Variants in SGIP1 observed in about 807,000 individuals in gnomAD.
The protein encoded by SGIP1 is SH3GL interacting endocytic adaptor 1, also known as SH3-containing GRB2-like protein 3-interacting protein 1.
In SGIP1, 38 loss-of-function variants were observed where a neutral mutation model predicts 107.5. The observed-to-expected ratio is 0.35, with a 90% CI of 0.27 to 0.46. The LOEUF (loss-of-function observed/expected upper bound fraction) is 0.46, where lower values mean the gene tolerates loss of function less well. Ranked by LOEUF, SGIP1 falls within the 20% of genes least tolerant of loss-of-function variation. SGIP1 has a pLI of 1.00. For missense variants in SGIP1, 929 were observed against 1,019.5 expected, an observed-to-expected ratio of 0.91 and a Z score of 1.21; for synonymous variants, 365 against 366.1, an observed-to-expected ratio of 1.00 and a Z score of 0.03.
chr1:66,654,634 G>GA (rs1185550260), intron 7 of SGIP1, among the ~76,000 whole-genome samples: 6 of 151,118 alleles, frequency 4.0e-5, no homozygotes, highest in Non-Finnish European at 8.9e-5. Context: ...TATTGTTTTA[G>GA]AAAAAAAAAT....
intron 7 of SGIP1, among the ~76,000 whole-genome samples, chr1:66,654,699 TG>T (rs1337298840): frequency 1.3e-5 from 2 of 152,192 alleles, no homozygotes; most frequent in Non-Finnish European, 2.9e-5. Flanking sequence ...CCTCAAAGAC[TG>T]GGGAGAATGT....
chr1:66,639,041 G>T (rs1457826214), intron 4 of SGIP1, among the ~76,000 whole-genome samples: 1 of 152,142 alleles, frequency 6.6e-6, no homozygotes, highest in African/African-American at 2.4e-5. Context: ...AGTGCTTGTG[G>T]CCATGTGTCA....
intron 1 of SGIP1, among the ~76,000 whole-genome samples, chr1:66,544,826 C>T (rs1471636125): frequency 6.6e-6 from 1 of 152,136 alleles, no homozygotes; most frequent in East Asian, 1.9e-4. Context: ...TAACAATGGC[C>T]TGAAATGGTC....
intron 13 of SGIP1, among the ~76,000 whole-genome samples, chr1:66,677,464 G>A (rs770766523): frequency 6.6e-6 from 1 of 152,164 alleles, no homozygotes; most frequent in South Asian, 2.1e-4. Context: ...AGTCTAATAC[G>A]GTCTCTGCTC....
chr1:66,626,343 C>T (rs2072766591), intron 2 of SGIP1, among the ~76,000 whole-genome samples: 1 of 152,032 alleles, frequency 6.6e-6, no homozygotes, highest in African/African-American at 2.4e-5. Context: ...GATAACATCT[C>T]CAAGCTCTTA....
At chr1:66,633,136 A>G (rs747644221) in intron 3 of SGIP1, 42 bp downstream of exon 3, 5 of 1,295,302 alleles carry the variant, frequency 3.9e-6, no homozygotes, top group South Asian at 2.5e-5. Flanking sequence ...TTGTGCTTCA[A>G]TATATGCTAT....
chr1:66,674,180 A>C (rs1272899045), intron 12 of SGIP1, among the ~76,000 whole-genome samples: 1 of 152,142 alleles, frequency 6.6e-6, no homozygotes, highest in Non-Finnish European at 1.5e-5. Context: ...ATAAAATAAA[A>C]TAAAATAAAA....
intron 19 of SGIP1, 149 bp from the exon 20 acceptor site, chr1:66,729,115 A>T: frequency 1.1e-6 from 1 of 888,830 alleles, no homozygotes; most frequent in Non-Finnish European, 1.7e-6. Flanking sequence ...AATAGAAGTT[A>T]AAGTATTTTT....
At chr1:66,536,024 A>G (rs1297615291) in intron 1 of SGIP1, among the ~76,000 whole-genome samples, 2 of 152,206 alleles carry the variant, frequency 1.3e-5, no homozygotes, top group African/African-American at 4.8e-5. Flanking sequence ...TCTTCTTTGA[A>G]GGTTGTAACG....
intron 1 of SGIP1, among the ~76,000 whole-genome samples, chr1:66,566,259 C>G (rs544202192): frequency 6.6e-6 from 1 of 152,062 alleles, no homozygotes; most frequent in East Asian, 1.9e-4. Flanking sequence ...TTTTAAAGAT[C>G]GATGTGAATA....
intron 17 of SGIP1, chr1:66,695,055 T>G (rs961259348): frequency 1.1e-5 from 4 of 368,358 alleles, no homozygotes; most frequent in African/African-American, 6.2e-5. Context: ...TAGAAGGGGA[T>G]GACATTGAAG....
Position 66,746,663 on chromosome 1 carries a change from A to T in SGIP1, c.*3568A>T, listed in dbSNP as rs1383119376. On this transcript the variant is annotated 3_prime_UTR_variant, in exon 25 of 25. Transcript: ENST00000371037. ...TTTAATTCCTGTTTTACAAGTGATG[A>T]CACTGAGGCTTAAATAGAATAATCT... The T allele has an allele frequency of 1.3e-5, 2 of 152,144 alleles. No homozygotes were observed. Among genetic ancestry groups the T allele is most frequent in the African/African-American group, 2.4e-5 (1 of 41,458 alleles). 9.4% of individuals were successfully genotyped at this position (152,144 alleles called of 1,614,324 possible).
intron 2 of SGIP1, among the ~76,000 whole-genome samples, chr1:66,632,224 G>C (rs932513829): frequency 5.9e-5 from 9 of 152,180 alleles, no homozygotes; most frequent in Non-Finnish European, 1.3e-4. Flanking sequence ...GAACTATTTG[G>C]ACACCCAGCT....
intron 20 of SGIP1, among the ~76,000 whole-genome samples, chr1:66,732,521 T>G (rs1353284337): frequency 3.3e-5 from 5 of 152,136 alleles, no homozygotes; most frequent in Non-Finnish European, 5.9e-5. Context: ...CTCAATAACT[T>G]TATATCCAGG....
intron 19 of SGIP1, among the ~76,000 whole-genome samples, chr1:66,727,461 T>C (rs2093807957): frequency 6.6e-6 from 1 of 152,228 alleles, no homozygotes; most frequent in Non-Finnish European, 1.5e-5. Context: ...TTTTCCACTT[T>C]AGAAAACAGT....
intron 1 of SGIP1, among the ~76,000 whole-genome samples, chr1:66,560,524 C>T (rs1307942608): frequency 6.6e-6 from 1 of 151,860 alleles, no homozygotes; most frequent in African/African-American, 2.4e-5. Context: ...TAAATTTTAC[C>T]ATAAGCAATT....
chr1:66,738,583 A>G (rs1168535025), intron 21 of SGIP1, among the ~76,000 whole-genome samples: 1 of 152,202 alleles, frequency 6.6e-6, no homozygotes, highest in Non-Finnish European at 1.5e-5. Flanking sequence ...TTCTTGGTCA[A>G]GCTCACAGCT....
chr1:66,699,921 A>T (rs865918366), intron 18 of SGIP1, among the ~76,000 whole-genome samples: 40 of 152,324 alleles, frequency 2.6e-4, no homozygotes, highest in Middle Eastern at 3.4e-3. Flanking sequence ...ATGAAAAATA[A>T]AATAAAAATA....
At chr1:66,714,152 A>T (rs1217041967) in intron 18 of SGIP1, among the ~76,000 whole-genome samples, 1 of 152,138 alleles carries the variant, frequency 6.6e-6, no homozygotes, top group African/African-American at 2.4e-5. Flanking sequence ...CACAAATGCT[A>T]TCCTACTTGA....
Sources: allele counts gnomAD v4.1 joint callset (sites outside exome capture counted in the v4.1 genomes callset), GRCh38; gene constraint gnomAD v4.1.1; transcripts MANE v1.5; gene names NCBI Gene and HGNC (gene_info 2026-07-23, HGNC 2026-07-21).